RPGR: variants seen among roughly 807,000 people sequenced by gnomAD.
RPGR encodes retinitis pigmentosa GTPase regulator, also known as X-linked retinitis pigmentosa GTPase regulator.
A neutral mutation model predicts 56.3 loss-of-function variants in RPGR; 10 were observed. The observed-to-expected ratio is 0.18, with a 90% confidence interval of 0.11 to 0.30. RPGR has a LOEUF of 0.30. Among genes scored for constraint, RPGR ranks in the 10% least tolerant of loss-of-function variants. The pLI is 1.00. For missense variants in RPGR, 538 were observed against 590.9 expected, an observed-to-expected ratio of 0.91 and a Z score of 0.93; for synonymous variants, 197 against 212.9, an observed-to-expected ratio of 0.93 and a Z score of 0.65.
At position 38,285,999 on chromosome X, in the gene RPGR, C is replaced by T. The variant is rs1262542197; in HGVS notation, c.1905+1095G>A. 7 of 1,008,416 alleles carry T rather than the reference C, an allele frequency of 6.9e-6. No individual in the cohort carries two copies. The African/African-American group carries it at 1.2e-4, about 17-fold the overall frequency. The allele number at this position is 1,008,416 out of a possible 1,213,427, so 83.1% of individuals were successfully genotyped here. ...CTTCTTCCTCTCCCTCTCCTTCTTC[C>T]TCCCCTTCTTCTTCCCCTTCCTCCT... On this transcript the variant is annotated intron_variant, in intron 15 of 18. Coordinates refer to ENST00000642395, the MANE Select transcript of RPGR (RefSeq NM_000328.3).
At chrX:38,320,086 CAAATA>C (rs748207774) in intron 4 of RPGR, among the ~76,000 whole-genome samples, 197 of 111,698 alleles carry the variant, frequency 1.8e-3, no homozygotes, top group Non-Finnish European at 3.2e-3. Flanking sequence ...ATAATTCAAA[CAAATA>C]AATGAACACA....
At chrX:38,299,236 T>C in intron 9 of RPGR, 95 bp from the exon 10 acceptor site, 2 of 900,721 alleles carry the variant, frequency 2.2e-6, no homozygotes, top group Non-Finnish European at 3.2e-6. Context: ...TATTTAGTGG[T>C]AGGCTTCCTA....
intron 1 of RPGR, chrX:38,325,625 T>C (rs946896780): frequency 3.6e-5 from 4 of 112,090 alleles, no homozygotes; most frequent in Admixed American, 9.5e-5. Context: ...TATAGAGATG[T>C]CTTTTTCTCT....
intron 7 of RPGR, among the ~76,000 whole-genome samples, chrX:38,310,183 G>A: frequency 9.0e-6 from 1 of 110,709 alleles, no homozygotes; most frequent in Non-Finnish European, 1.9e-5. Context: ...TCGAACTCCT[G>A]GGCTCAAGAG....
intron 11 of RPGR, among the ~76,000 whole-genome samples, chrX:38,292,783 G>A (rs1185564709): frequency 1.8e-5 from 2 of 111,501 alleles, no homozygotes; most frequent in Non-Finnish European, 3.8e-5. Flanking sequence ...AATTACATCC[G>A]TATGTTGGCA....
At chrX:38,273,174 C>A (rs2066873174) in intron 18 of RPGR, among the ~76,000 whole-genome samples, 1 of 111,051 alleles carries the variant, frequency 9.0e-6, no homozygotes, top group African/African-American at 3.3e-5. Flanking sequence ...AAAACATAAG[C>A]TAAAGTAAAA....
chrX:38,313,562 T>C (rs1395880327), intron 6 of RPGR, among the ~76,000 whole-genome samples: 1 of 112,216 alleles, frequency 8.9e-6, no homozygotes, highest in East Asian at 2.8e-4. Flanking sequence ...ATCCTCCTCT[T>C]CCTCTTGTAT....
chrX:38,313,033 C>A (rs898523486), intron 6 of RPGR, among the ~76,000 whole-genome samples: 2 of 110,704 alleles, frequency 1.8e-5, no homozygotes, highest in African/African-American at 6.6e-5. Context: ...AAACAAACAA[C>A]CTCTAAACAA....
intron 17 of RPGR, chrX:38,275,001 C>A: frequency 1.3e-6 from 1 of 752,956 alleles, no homozygotes; most frequent in South Asian, 2.3e-5. Context: ...TATATGTAAG[C>A]TTATAATTAC....
chrX:38,287,872 T>A lies in RPGR; in HGVS notation c.1742A>T (p.Asp581Val). ...GCCTGTGTCATTACCTACTTCCTCA[T>A]CTGAAAATGCTTCGATAGTCGTAGC... is the stretch of plus-strand genomic sequence containing the variant. Residue 581 changes from aspartate (D) to valine (V), a missense_variant, in exon 14 of 19, where the codon GAT becomes GTT. Asp to Val is a radical substitution (Grantham distance 152). Transcript: ENST00000642395. 3 of 1,210,657 alleles carry A rather than the reference T, an allele frequency of 2.5e-6. No homozygotes were observed. The highest frequency in any genetic ancestry group is 3.4e-6 in the Non-Finnish European group (3 of 894,606).
In RPGR at chrX:38,319,002, GA is replaced by G; in HGVS notation, c.311-16del. On this transcript the variant is annotated splice_polypyrimidine_tract_variant and intron_variant, in intron 4 of 18. Coordinates refer to ENST00000642395, the MANE Select transcript of RPGR (RefSeq NM_000328.3). ...ATTGCCTCCTTCTGCACATGGAAAA[GA>G]AAACGTCAATAGACTATAGAGTCCC... The G allele has an allele frequency of 8.3e-7, 1 of 1,209,915 alleles. No homozygotes were observed. Among genetic ancestry groups the G allele is most frequent in the Non-Finnish European group, 1.1e-6 (1 of 893,989 alleles).
chrX:38,281,001 C>T (rs932688898), intron 15 of RPGR, among the ~76,000 whole-genome samples: 8 of 112,161 alleles, frequency 7.1e-5, no homozygotes, highest in African/African-American at 2.3e-4. Flanking sequence ...ACTTTATAAT[C>T]TCTTAAACTC....
At position 38,269,416 on chromosome X, in the gene RPGR, G is replaced by C. The variant is rs2066788695; in HGVS notation, c.*210C>G. 2.8e-6 allele frequency: 1 copy of C among 363,074 alleles called. No homozygotes were observed. Among genetic ancestry groups the C allele is most frequent in the Non-Finnish European group, 4.7e-6 (1 of 212,074 alleles). The allele number at this position is 363,074 out of a possible 1,213,427, so 29.9% of individuals were successfully genotyped here. On this transcript the variant is annotated 3_prime_UTR_variant, in exon 19 of 19. Transcript: ENST00000642395. ...AGTTAAGGCCACAACACTTTAGGGA[G>C]AATTTGAGATACACATATTTTGAAA...
intron 1 of RPGR, among the ~76,000 whole-genome samples, chrX:38,324,929 G>C (rs1257986074): frequency 2.8e-5 from 3 of 107,057 alleles, no homozygotes; most frequent in African/African-American, 1.0e-4. Context: ...CAGCACTTTG[G>C]GAGGCCGAGG....
intron 6 of RPGR, among the ~76,000 whole-genome samples, chrX:38,316,223 T>C (rs1371200521): frequency 1.8e-5 from 2 of 111,166 alleles, no homozygotes; most frequent in Non-Finnish European, 3.8e-5. Context: ...GACATTCCAT[T>C]GTACACCTTA....
chrX:38,316,293 A>T lies in RPGR; in HGVS notation c.619+1023T>A, dbSNP rs2067826935. 5.0e-5 allele frequency among the ~76,000 whole-genome samples: 5 copies of T among 100,346 alleles called. No individual in the cohort carries two copies. The South Asian group carries it at 2.2e-3, about 43-fold the overall frequency. 87.1% of individuals were successfully genotyped at this position (100,346 alleles called of 115,157 possible). ...CAATAAAGCTGAGCTTTTTTTAATT[A>T]AAAAAAGGCATAAAAACAAACCAAA... On this transcript the variant is annotated intron_variant, in intron 6 of 18. Transcript: ENST00000642395.
Position 38,322,312 on chromosome X carries a change from C to A in RPGR, c.247+541G>T, listed in dbSNP as rs139700166. ...AAAGCTTTGTAAGGGTATTATATAT[C>A]TAATATTTTCTGGAACACTCCTGAT... On this transcript the variant is annotated intron_variant, in intron 3 of 18. Transcript: ENST00000642395. 9.2e-4 allele frequency among the ~76,000 whole-genome samples: 103 copies of A among 111,816 alleles called. 2 individuals are homozygous for A. The East Asian group carries it at 0.024, about 26-fold the overall frequency.
chrX:38,310,859 G>C (rs910044227), intron 6 of RPGR, 86 bp from the exon 7 acceptor site: 7 of 829,431 alleles, frequency 8.4e-6, no homozygotes, highest in African/African-American at 8.1e-5. Flanking sequence ...TTTTGACAAG[G>C]ATCACTTAAT....
rs147388235 is a variant in RPGR, at chrX:38,286,588, C to T, written c.1905+506G>A. Reference sequence around the variant, plus strand: ...CCCTCCCTCCTCTTTTTCCTCCCCTCTCCCCTCTGTTTCCTCCTCTTCCCC... The same window carrying T: ...CCCTCCCTCCTCTTTTTCCTCCCCTTTCCCCTCTGTTTCCTCCTCTTCCCC... On this transcript the variant is annotated intron_variant, in intron 15 of 18. Coordinates refer to ENST00000642395, the MANE Select transcript of RPGR (RefSeq NM_000328.3). 1,588 of 1,041,819 alleles carry T rather than the reference C, an allele frequency of 1.5e-3. 26 individuals are homozygous for T. In the African/African-American group the frequency reaches 0.038, roughly 25 times the overall value. The allele number at this position is 1,041,819 out of a possible 1,213,427, so 85.9% of individuals were successfully genotyped here.
Sources: gnomAD v4.1 joint callset for allele counts (sites outside exome capture counted in the v4.1 genomes callset) on GRCh38, gnomAD v4.1.1 for gene constraint, MANE v1.5 for transcripts, NCBI Gene and HGNC (gene_info 2026-07-23, HGNC 2026-07-21) for gene names.